TEX52: variants seen among roughly 807,000 people sequenced by gnomAD.
The protein encoded by TEX52 is testis-expressed protein 52.
TEX52 carries 22 observed loss-of-function variants against 17.6 expected under a neutral mutation model. That is an observed-to-expected ratio of 1.25 (90% confidence interval 0.89 to 1.78). The LOEUF is 1.78. TEX52 is among the 40% of genes most tolerant of loss of function. The pLI, the probability that TEX52 is intolerant of heterozygous loss-of-function variation, is 0.00. For missense variants in TEX52, 396 were observed against 372.3 expected (o/e 1.06, Z -0.52); for synonymous variants, 168 against 147.4 (o/e 1.14, Z -1.01).
chr12:2,855,123 G>C lies in TEX52; in HGVS notation c.396C>G (p.Cys132Trp). Residue 132 changes from cysteine (C) to tryptophan (W), a missense_variant, in exon 2 of 3, where the codon TGC becomes TGG. Transcript: ENST00000637658. ...GGGGGATGGGGTGCTCCGTGGGGGG[G>C]CATCTGTGGGCATTGGAGTCGGTCA... ...RWLTDSNAHR[C>W]PPTEHPIPPP... 6 of 1,533,390 alleles carry C rather than the reference G, an allele frequency of 3.9e-6. No homozygotes were observed. The highest frequency in any genetic ancestry group is 4.9e-5 in the East Asian group (2 of 40,822). The allele number at this position is 1,533,390 out of a possible 1,614,324, so 95.0% of individuals were successfully genotyped here.
chr12:2,850,600 G>A (rs1267754141), intron 2 of TEX52, among the ~76,000 whole-genome samples: 3 of 152,104 alleles, frequency 2.0e-5, no homozygotes, highest in Non-Finnish European at 4.4e-5. Context: ...AGTCCTCTGG[G>A]TCCCTACAGC....
rs541176538 is a variant in TEX52, at chr12:2,852,455, C to A, written c.623+2441G>T. Among the ~76,000 whole-genome samples, 7 of 152,276 alleles carry A rather than the reference C, an allele frequency of 4.6e-5. No homozygotes were observed. The South Asian group carries it at 1.5e-3, about 32-fold the overall frequency. On this transcript the variant is annotated intron_variant, in intron 2 of 2. Coordinates refer to ENST00000637658, the MANE Select transcript of TEX52 (RefSeq NM_001365174.2). The stretch of plus-strand genomic sequence containing the variant: ...AGTGATGGCTAACTGCAGCCTCGAC[C>A]TCCTGGGCTCAGACAGTCCTCCCAC...
Position 2,855,344 on chromosome 12 carries a change from C to T in TEX52, c.175G>A (p.Ala59Thr), listed in dbSNP as rs372280881. The change falls in exon 2 of 3, where the codon GCC (alanine) becomes ACC (threonine). Residue 59 changes from alanine to threonine, a missense_variant. Ala to Thr is a moderately conservative substitution (Grantham distance 58). Transcript: ENST00000637658. ...AGCTTCAGAGCCAGCTGGTGGTAGG[C>T]TTGCCGGGTGAAGCCAGGGAACTCC... ...SWEFPGFTRQ[A>T]YHQLALKLPP... The T allele has an allele frequency of 3.8e-4, 499 of 1,328,978 alleles. No homozygotes were observed. The African/African-American group carries it at 6.1e-3, about 16-fold the overall frequency. The allele number at this position is 1,328,978 out of a possible 1,614,324, so 82.3% of individuals were successfully genotyped here. A position where few individuals can be genotyped will look rare whatever the true frequency, so the allele number is the denominator to read the frequency against.
At chr12:2,854,863 C>T (rs1418550837) in intron 2 of TEX52, 33 bp downstream of exon 2, 2 of 1,508,862 alleles carry the variant, frequency 1.3e-6, no homozygotes, top group Non-Finnish European at 1.8e-6. Flanking sequence ...GCAGGGCAGG[C>T]TGGGTGGGCT....
At chr12:2,849,637 T>C (rs1282449049) in intron 2 of TEX52, 112 bp from the exon 3 acceptor site, 1 of 1,259,612 alleles carries the variant, frequency 7.9e-7, no homozygotes, top group Non-Finnish European at 1.1e-6. Flanking sequence ...TAGTTAGCCA[T>C]CAGGCGGCAG....
intron 1 of TEX52, among the ~76,000 whole-genome samples, chr12:2,856,150 C>T (rs1195304366): frequency 6.6e-6 from 1 of 152,132 alleles, no homozygotes; most frequent in Non-Finnish European, 1.5e-5. Flanking sequence ...TTGCTATCGT[C>T]CCCATCTCAA....
chr12:2,853,083 G>A (rs961842230), intron 2 of TEX52, among the ~76,000 whole-genome samples: 3 of 152,074 alleles, frequency 2.0e-5, no homozygotes, highest in African/African-American at 7.2e-5. Flanking sequence ...ATACAGAGAA[G>A]TGTTTGGCAG....
chr12:2,856,240 CCT>C (rs1049600703), intron 1 of TEX52, among the ~76,000 whole-genome samples: 1 of 152,132 alleles, frequency 6.6e-6, no homozygotes, highest in African/African-American at 2.4e-5. Context: ...GGACTTAAGC[CCT>C]CTGTCTGTGC....
At chr12:2,849,623 A>C in intron 2 of TEX52, 98 bp from the exon 3 acceptor site, 7 of 1,369,072 alleles carry the variant, frequency 5.1e-6, no homozygotes, top group Non-Finnish European at 5.9e-6. Context: ...CGCTGTCCAC[A>C]AGCTAGTTAG....
At chr12:2,856,591 A>C (rs1488948545) in intron 1 of TEX52, among the ~76,000 whole-genome samples, 1 of 152,116 alleles carries the variant, frequency 6.6e-6, no homozygotes, top group African/African-American at 2.4e-5. Flanking sequence ...TCAAACTCCT[A>C]ACCTCAGGTG....
At chr12:2,850,466 ACT>A (rs1200109336) in intron 2 of TEX52, among the ~76,000 whole-genome samples, 1 of 120,050 alleles carries the variant, frequency 8.3e-6, no homozygotes, top group Non-Finnish European at 1.6e-5. Flanking sequence ...CAAGAGCAAG[ACT>A]CTGTCTCAAA....
rs1409332549 is a variant in TEX52, at chr12:2,855,328, G to A, written c.191C>T (p.Ala64Val). 5.4e-6 allele frequency: 8 copies of A among 1,487,286 alleles called. No homozygotes were observed. Among genetic ancestry groups the A allele is most frequent in the Non-Finnish European group, 7.2e-6 (8 of 1,116,954 alleles). 92.1% of individuals were successfully genotyped at this position (1,487,286 alleles called of 1,614,324 possible). Residue 64 changes from alanine to valine, a missense_variant, in exon 2 of 3, where the codon GCT becomes GTT. Transcript: ENST00000637658. ...GFTRQAYHQL[A>V]LKLPPCTDMK... is the part of the protein sequence containing the mutation. ...ATCTGTGCAGGGCGGCAGCTTCAGA[G>A]CCAGCTGGTGGTAGGCTTGCCGGGT...
chr12:2,853,607 G>GTTT (rs569055360), intron 2 of TEX52, among the ~76,000 whole-genome samples: 1 of 145,416 alleles, frequency 6.9e-6, no homozygotes, highest in African/African-American at 2.6e-5. Context: ...TTTTGTTTTT[G>GTTT]TTTTTGTTTT....
chr12:2,848,016 C>T (rs1211320238), downstream of TEX52, among the ~76,000 whole-genome samples: 1 of 152,212 alleles, frequency 6.6e-6, no homozygotes, highest in Non-Finnish European at 1.5e-5. Context: ...CACCTATATT[C>T]TTGTATTTAT....
chr12:2,848,947 G>A (rs2098061332), downstream of TEX52: 1 of 415,162 alleles, frequency 2.4e-6, no homozygotes, highest in South Asian at 2.8e-5. Flanking sequence ...CTTAGGAACT[G>A]GAGCCCCTCC....
At chr12:2,848,716 G>T (rs2098060037), downstream of TEX52, among the ~76,000 whole-genome samples, 1 of 152,166 alleles carries the variant, frequency 6.6e-6, no homozygotes, top group African/African-American at 2.4e-5. Flanking sequence ...ACATCAAATG[G>T]TCCAGGGAGG....
chr12:2,850,720 C>T (rs1167683035), intron 2 of TEX52, among the ~76,000 whole-genome samples: 3 of 151,172 alleles, frequency 2.0e-5, no homozygotes, highest in Non-Finnish European at 4.4e-5. Context: ...TTGCCCAGGC[C>T]GGAGTGCAGT....
intron 2 of TEX52, among the ~76,000 whole-genome samples, chr12:2,853,471 C>T (rs2098077592): frequency 1.3e-5 from 2 of 152,104 alleles, no homozygotes; most frequent in Non-Finnish European, 1.5e-5. Context: ...CGGGGTTTCA[C>T]CATGTTGGCC....
At chr12:2,856,915 G>T (rs1458593964) in intron 1 of TEX52, 40 bp downstream of exon 1, 3 of 702,946 alleles carry the variant, frequency 4.3e-6, no homozygotes, top group Non-Finnish European at 5.2e-6. Context: ...AGCCCAGTGG[G>T]GTACAAAAAG....
Sources: allele counts gnomAD v4.1 joint callset (sites outside exome capture counted in the v4.1 genomes callset), GRCh38; gene constraint gnomAD v4.1.1; transcripts MANE v1.5; gene names NCBI Gene and HGNC (gene_info 2026-07-23, HGNC 2026-07-21).